ANKRD50: variants seen among roughly 807,000 people sequenced by gnomAD.
ANKRD50 encodes ankyrin repeat domain-containing protein 50.
Under a neutral mutation model 112.0 loss-of-function variants are expected in ANKRD50, and 40 were observed. The ratio of observed to expected loss-of-function variants is 0.36; its 90% confidence interval spans 0.28 to 0.46. The LOEUF (loss-of-function observed/expected upper bound fraction) is 0.46, where lower values mean the gene tolerates loss of function less well. Among genes scored for constraint, ANKRD50 ranks in the 20% least tolerant of loss-of-function variants. The pLI is 1.00. For synonymous variants in ANKRD50, 613 were observed against 619.1 expected, an observed-to-expected ratio of 0.99 and a Z score of 0.15; for missense variants, 1,487 against 1,701.7, an observed-to-expected ratio of 0.87 and a Z score of 2.22.
rs150333428 is a variant in ANKRD50, at chr4:124,700,439, A to C, written c.512+9561T>G. Among the ~76,000 whole-genome samples, 71 of 152,282 alleles carry C rather than the reference A, an allele frequency of 4.7e-4. 1 individual carries two copies. In the East Asian group the frequency reaches 0.012, roughly 26 times the overall value. On this transcript the variant is annotated intron_variant, in intron 2 of 4. Transcript: ENST00000504087. ...AATAACAACAAGAAGAGCAGTTAGG[A>C]CTCTAGTGCAGTAATAGTCCAGCAA...
At chr4:124,677,763 T>C (rs962657874) in intron 3 of ANKRD50, among the ~76,000 whole-genome samples, 8 of 151,864 alleles carry the variant, frequency 5.3e-5, no homozygotes, top group African/African-American at 1.9e-4. Flanking sequence ...ACTATAAACA[T>C]ACATAATATA....
chr4:124,674,932 GA>G (rs1343190482), intron 3 of ANKRD50, among the ~76,000 whole-genome samples: 1 of 151,688 alleles, frequency 6.6e-6, no homozygotes, highest in Non-Finnish European at 1.5e-5. Context: ...TTACAGTACT[GA>G]AAATAATTAC....
chr4:124,691,959 C>A (rs1160125478), intron 2 of ANKRD50, among the ~76,000 whole-genome samples: 1 of 152,140 alleles, frequency 6.6e-6, no homozygotes, highest in African/African-American at 2.4e-5. Flanking sequence ...CATGATAACA[C>A]AAGTGGAAAA....
At chr4:124,682,191 C>T (rs1480870451) in intron 2 of ANKRD50, among the ~76,000 whole-genome samples, 1 of 151,884 alleles carries the variant, frequency 6.6e-6, no homozygotes, top group Non-Finnish European at 1.5e-5. Context: ...TGGCAGGCGC[C>T]TGTAGTCCCA....
chr4:124,696,466 T>C (rs937917419), intron 2 of ANKRD50, among the ~76,000 whole-genome samples: 1 of 152,058 alleles, frequency 6.6e-6, no homozygotes, highest in African/African-American at 2.4e-5. Context: ...GAAGAAGTAA[T>C]AGATTAAGGC....
intron 2 of ANKRD50, 105 bp downstream of exon 2, chr4:124,709,895 C>T: frequency 6.9e-7 from 1 of 1,443,450 alleles, no homozygotes; most frequent in Non-Finnish European, 9.3e-7. Context: ...GCCAAATGTA[C>T]AGCACCAGTA....
At position 124,701,278 on chromosome 4, in the gene ANKRD50, C is replaced by T. The variant is rs567993236; in HGVS notation, c.512+8722G>A. Among the ~76,000 whole-genome samples the T allele has an allele frequency of 1.7e-3, 262 of 152,140 alleles. 1 individual carries two copies. Among genetic ancestry groups the T allele is most frequent in the South Asian group, 3.5e-3 (17 of 4,814 alleles). On this transcript the variant is annotated intron_variant, in intron 2 of 4. Coordinates refer to ENST00000504087, the MANE Select transcript of ANKRD50 (RefSeq NM_020337.3). ...ACGCCCCACCAAGAAGTACACTTTTCCTCTAGTGAAACGACCTGCAATCTC... is the reference window on the plus strand; with the variant it reads ...ACGCCCCACCAAGAAGTACACTTTTTCTCTAGTGAAACGACCTGCAATCTC...
chr4:124,698,830 T>C (rs1725316550), intron 2 of ANKRD50, among the ~76,000 whole-genome samples: 1 of 152,180 alleles, frequency 6.6e-6, no homozygotes, highest in Admixed American at 6.5e-5. Context: ...TTGAATCCTC[T>C]AATCCATAAA....
chr4:124,681,846 CTTTGATTTCTTCTTTA>C (rs1257004177), intron 2 of ANKRD50, among the ~76,000 whole-genome samples: 7 of 152,188 alleles, frequency 4.6e-5, no homozygotes, highest in Non-Finnish European at 8.8e-5. Flanking sequence ...AATAATTTCC[CTTTGATTTCTTCTTTA>C]AAACATCCAT....
chr4:124,686,382 G>A (rs1725007391), intron 2 of ANKRD50, among the ~76,000 whole-genome samples: 1 of 152,130 alleles, frequency 6.6e-6, no homozygotes, highest in Non-Finnish European at 1.5e-5. Flanking sequence ...AGCCCCTGGG[G>A]CCACTGATAA....
At chr4:124,696,749 G>A (rs747600121) in intron 2 of ANKRD50, among the ~76,000 whole-genome samples, 91 of 152,152 alleles carry the variant, frequency 6.0e-4, no homozygotes, top group African/African-American at 1.2e-3. Context: ...TATAGTTATT[G>A]TTTTATCAAA....
At position 124,671,596 on chromosome 4, in the gene ANKRD50, C is replaced by T. The variant is rs1319218695; in HGVS notation, c.1681G>A (p.Val561Ile). 1.9e-6 allele frequency: 3 copies of T among 1,613,840 alleles called. No individual in the cohort carries two copies. Among genetic ancestry groups the T allele is most frequent in the Admixed American group, 3.3e-5 (2 of 59,956 alleles). Residue 561 changes from valine (V) to isoleucine (I), a missense_variant, in exon 4 of 5, where the codon GTC (valine) becomes ATC (isoleucine). Coordinates refer to ENST00000504087, the MANE Select transcript of ANKRD50 (RefSeq NM_020337.3). ...GCTCCCCTAGAGACAAGTAAATTGA[C>T]TACATCAAGACTGCCACTATATGCA... ...NAAYSGSLDV[V>I]NLLVSRGADL...
Position 124,670,030 on chromosome 4 carries a change from G to A in ANKRD50, c.3247C>T (p.Arg1083Cys), listed in dbSNP as rs768205304. ...GAATGTCCATTTTTGGCTGCAACAC[G>A]CATAGCAGTGCGTCCAAATTGATCA... ...HADQFGRTAM[R>C]VAAKNGHSQI... is the part of the protein sequence containing the mutation. The change falls in exon 4 of 5, where the codon CGT becomes TGT. Residue 1083 changes from arginine (R) to cysteine (C), a missense_variant. Physicochemically the swap from Arg to Cys is radical, Grantham distance 180. Transcript: ENST00000504087. The A allele has an allele frequency of 7.4e-6, 12 of 1,610,872 alleles. No individual in the cohort carries two copies. Among genetic ancestry groups the A allele is most frequent in the Admixed American group, 1.7e-5 (1 of 59,006 alleles).
chr4:124,676,485 A>G (rs185356188), intron 3 of ANKRD50, among the ~76,000 whole-genome samples: 1 of 151,808 alleles, frequency 6.6e-6, no homozygotes, highest in East Asian at 1.9e-4. Flanking sequence ...TTAGAAATAG[A>G]GTAATAGTAC....
At chr4:124,711,773 CA>C in intron 1 of ANKRD50, among the ~76,000 whole-genome samples, 1 of 145,640 alleles carries the variant, frequency 6.9e-6, no homozygotes, top group East Asian at 2.0e-4. Context: ...AAAAAAAAAA[CA>C]AAAACGATGG....
At chr4:124,699,696 T>C (rs1248548470) in intron 2 of ANKRD50, among the ~76,000 whole-genome samples, 2 of 151,160 alleles carry the variant, frequency 1.3e-5, no homozygotes, top group East Asian at 3.9e-4. Context: ...TTTCAAAAGA[T>C]ACAAATACAA....
intron 2 of ANKRD50, among the ~76,000 whole-genome samples, chr4:124,707,479 A>C (rs1725532685): frequency 1.3e-5 from 2 of 152,118 alleles, no homozygotes; most frequent in Non-Finnish European, 2.9e-5. Context: ...TTGCAAGTGA[A>C]TATAGCTGTA....
intron 2 of ANKRD50, among the ~76,000 whole-genome samples, chr4:124,703,177 T>C (rs1725429189): frequency 6.6e-6 from 1 of 151,942 alleles, no homozygotes; most frequent in Non-Finnish European, 1.5e-5. Context: ...CAGTGCGAGA[T>C]TCTGAAAGAA....
chr4:124,670,535 T>A lies in ANKRD50; in HGVS notation c.2742A>T (p.Arg914Ser). The A allele has an allele frequency of 6.2e-7, 1 of 1,613,388 alleles. No individual in the cohort carries two copies. Among genetic ancestry groups the A allele is most frequent in the South Asian group, 1.1e-5 (1 of 90,918 alleles). The change falls in exon 4 of 5, where the codon AGA becomes AGT. Residue 914 changes from arginine (R) to serine (S), a missense_variant. Transcript: ENST00000504087. ...SNIDQRGYDGRNALRVAALEG... is the reference protein window; with the variant it reads ...SNIDQRGYDGSNALRVAALEG... ...CTAATGCAGCAACCCGCAGTGCATT[T>A]CTTCCATCATAACCTCTTTGATCAA...
Sources: allele counts gnomAD v4.1 joint callset (sites outside exome capture counted in the v4.1 genomes callset), GRCh38; gene constraint gnomAD v4.1.1; transcripts MANE v1.5; gene names NCBI Gene and HGNC (gene_info 2026-07-23, HGNC 2026-07-21).